ZBED6: variants seen among roughly 807,000 people sequenced by gnomAD.
The protein encoded by ZBED6 is zinc finger BED-type containing 6, also known as zinc finger BED domain-containing protein 6.
A neutral mutation model predicts 58.4 loss-of-function variants in ZBED6; 40 were observed. That is an observed-to-expected ratio of 0.68 (90% CI 0.53 to 0.89). The LOEUF (loss-of-function observed/expected upper bound fraction) is 0.89, where lower values mean the gene tolerates loss of function less well. ZBED6 is among the 40% of genes least tolerant of loss of function. The probability of loss-of-function intolerance (pLI) is 0.00; values close to 1 mark genes in which losing one functional copy is unlikely to be tolerated. For missense variants in ZBED6, 1,057 were observed against 1,003.9 expected, an observed-to-expected ratio of 1.05 and a Z score of -0.71; for synonymous variants, 439 against 350.6, an observed-to-expected ratio of 1.25 and a Z score of -2.82.
exon 1 of ZBED6, chr1:203,801,506 A>G (rs2102424394): frequency 6.5e-6 from 1 of 152,680 alleles, no homozygotes; most frequent in African/African-American, 2.4e-5. Flanking sequence ...ACTTTTAGTA[A>G]AAGTCTATTA....
chr1:203,844,846 T>C (rs943660923), intron 11 of ZBED6, among the ~76,000 whole-genome samples: 2 of 152,082 alleles, frequency 1.3e-5, no homozygotes, highest in African/African-American at 2.4e-5. Flanking sequence ...CTCCCCTTTT[T>C]CTGCTTGGTA....
At chr1:203,839,130 G>T (rs997651637) in intron 10 of ZBED6, among the ~76,000 whole-genome samples, 5 of 152,156 alleles carry the variant, frequency 3.3e-5, no homozygotes, top group African/African-American at 9.7e-5. Context: ...ATAAGACGAG[G>T]TAGTGGCATA....
At chr1:203,796,834 A>G (rs892898491) in exon 1 of ZBED6, 2 of 169,460 alleles carry the variant, frequency 1.2e-5, no homozygotes, top group African/African-American at 4.7e-5. Context: ...TTTTTTTCTC[A>G]AAGCATTTTT....
At chr1:203,819,550 T>C (rs1677739837) in intron 3 of ZBED6, among the ~76,000 whole-genome samples, 2 of 135,234 alleles carry the variant, frequency 1.5e-5, no homozygotes, top group Non-Finnish European at 3.2e-5. Context: ...TTTTTTTTTT[T>C]TGAGACAGAG....
At chr1:203,841,592 T>C (rs1686225792) in intron 11 of ZBED6, among the ~76,000 whole-genome samples, 2 of 152,264 alleles carry the variant, frequency 1.3e-5, no homozygotes, top group African/African-American at 4.8e-5. Flanking sequence ...TCTCTCTTTC[T>C]TTTCCCCACA....
intron 1 of ZBED6, chr1:203,806,395 G>A (rs1396885858): frequency 1.6e-5 from 3 of 182,142 alleles, no homozygotes; most frequent in South Asian, 1.1e-4. Flanking sequence ...TCTGCCTTCC[G>A]GGTTCAAGCG....
chr1:203,796,072 C>T (rs12740899), exon 1 of ZBED6: 1 of 144,450 alleles, frequency 6.9e-6, no homozygotes, highest in Non-Finnish European at 1.5e-5. Flanking sequence ...TGCTCCTTTC[C>T]CAGCCAACCT....
intron 16 of ZBED6, among the ~76,000 whole-genome samples, chr1:203,851,464 G>A (rs974740459): frequency 1.3e-5 from 2 of 152,108 alleles, no homozygotes; most frequent in African/African-American, 4.8e-5. Flanking sequence ...CAAGTAGCTG[G>A]GATTACAGGT....
chr1:203,851,157 C>T (rs1689157822), intron 16 of ZBED6, 33 bp downstream of exon 16: 2 of 1,602,168 alleles, frequency 1.2e-6, no homozygotes, highest in African/African-American at 1.3e-5. Flanking sequence ...AAACAAACTC[C>T]AGGCCCCTGT....
At chr1:203,849,888 G>A (rs750715018) in exon 14 of ZBED6, 3 of 1,614,090 alleles carry the variant, frequency 1.9e-6, no homozygotes, top group Non-Finnish European at 2.5e-6. Flanking sequence ...GCTCACTGCT[G>A]TGCCAGGAAT....
rs533356702 is a variant in ZBED6, at chr1:203,841,869, C to T, written c.*3741+1495C>T. On this transcript the variant is annotated intron_variant, in intron 11 of 16. Coordinates refer to ENST00000550078, the Ensembl canonical transcript of ZBED6. ...GGGGCGGCTGCCGGGCGGAGGGGCT[C>T]CTCACTTCTCAGACGGGGCGGCCGG... is the stretch of plus-strand genomic sequence containing the variant. 2.2e-4 allele frequency among the ~76,000 whole-genome samples: 33 copies of T among 148,262 alleles called. No homozygotes were observed. The South Asian group carries it at 6.8e-3, about 31-fold the overall frequency.
intron 1 of ZBED6, among the ~76,000 whole-genome samples, chr1:203,809,980 G>A (rs1673794948): frequency 6.6e-6 from 1 of 151,968 alleles, no homozygotes; most frequent in Admixed American, 6.6e-5. Context: ...ACAAAAAAAA[G>A]TAACTGGGTT....
At chr1:203,845,544 G>A (rs1687653278) in intron 11 of ZBED6, among the ~76,000 whole-genome samples, 1 of 152,142 alleles carries the variant, frequency 6.6e-6, no homozygotes, top group African/African-American at 2.4e-5. Context: ...TAAATTGGAG[G>A]GTATCAGGTT....
At chr1:203,799,682 C>G (rs1331901716) in exon 1 of ZBED6, 3 of 708,860 alleles carry the variant, frequency 4.2e-6, no homozygotes, top group Non-Finnish European at 7.7e-6. Context: ...ATCATCTACT[C>G]CTTTCCCTGC....
chr1:203,796,629 G>C (rs377121953), exon 1 of ZBED6: 1 of 395,526 alleles, frequency 2.5e-6, no homozygotes. Context: ...TTGGGGGAAG[G>C]GGAGGGATCA....
intron 7 of ZBED6, among the ~76,000 whole-genome samples, chr1:203,830,847 A>C (rs1275245528): frequency 6.6e-6 from 1 of 151,486 alleles, no homozygotes; most frequent in East Asian, 1.9e-4. Flanking sequence ...TTCTAGTAGA[A>C]GAGTTCTTCC....
intron 3 of ZBED6, among the ~76,000 whole-genome samples, chr1:203,820,617 A>G (rs2102856695): frequency 6.6e-6 from 1 of 152,016 alleles, no homozygotes; most frequent in Admixed American, 6.6e-5. Context: ...AGCTGGGACA[A>G]CGGGCATGCC....
chr1:203,804,755 C>G (rs1671702405), intron 1 of ZBED6, among the ~76,000 whole-genome samples: 3 of 151,104 alleles, frequency 2.0e-5, no homozygotes, highest in African/African-American at 4.9e-5. Context: ...TCATTGCAAC[C>G]TCTGCCTTCC....
chr1:203,812,781 C>T (rs1165645719), intron 1 of ZBED6, among the ~76,000 whole-genome samples: 1 of 151,918 alleles, frequency 6.6e-6, no homozygotes, highest in East Asian at 1.9e-4. Context: ...GGGGTCTCAC[C>T]ATGTTTGCCA....
Sources: gnomAD v4.1 joint callset for allele counts (sites outside exome capture counted in the v4.1 genomes callset) on GRCh38, gnomAD v4.1.1 for gene constraint, MANE v1.5 for transcripts, NCBI Gene and HGNC (gene_info 2026-07-23, HGNC 2026-07-21) for gene names.